FRAS1: variants seen among roughly 807,000 people sequenced by gnomAD.
FRAS1 encodes the protein extracellular matrix organizing protein FRAS1.
Under a neutral mutation model 435.2 loss-of-function variants are expected in FRAS1, and 290 were observed. That is an observed-to-expected ratio of 0.67 (90% CI 0.61 to 0.73). The LOEUF (loss-of-function observed/expected upper bound fraction) is 0.73, where lower values mean the gene tolerates loss of function less well. FRAS1 is among the 30% of genes least tolerant of loss of function. FRAS1 has a pLI of 0.00. For synonymous variants in FRAS1, 1,800 were observed against 1,851.0 expected (o/e 0.97, Z 0.71); for missense variants, 4,860 against 5,001.5 (o/e 0.97, Z 0.85).
At chr4:78,185,794 T>C (rs188186216) in intron 2 of FRAS1, among the ~76,000 whole-genome samples, 1 of 152,336 alleles carries the variant, frequency 6.6e-6, no homozygotes, top group East Asian at 1.9e-4. Context: ...GCTTTGACTC[T>C]TGTCTGTTTG....
At chr4:78,290,441 T>TTTTC (rs1200140683) in intron 14 of FRAS1, among the ~76,000 whole-genome samples, 41 of 149,586 alleles carry the variant, frequency 2.7e-4, no homozygotes, top group Middle Eastern at 3.4e-3. Context: ...TGGTTTCTTT[T>TTTTC]TTTCTTTCTT....
At chr4:78,489,172 C>G in intron 59 of FRAS1, 92 bp downstream of exon 59, 5 of 1,242,120 alleles carry the variant, frequency 4.0e-6, no homozygotes, top group African/African-American at 1.5e-5. Context: ...CAAAAATTCT[C>G]AGAATTTTGT....
rs1560613053 is a variant in FRAS1, at chr4:78,265,112, AGCTTTCAT to A, written c.687+8_687+15del. ...TGCAGCTGGCCAAGTATACGAGGTA[AGCTTTCAT>A]GCTCCCCATGTAGGTGTTTTGACAT... On this transcript the variant is annotated splice_donor_5th_base_variant and intron_variant, in intron 7 of 73. Coordinates refer to ENST00000512123, the MANE Select transcript of FRAS1 (RefSeq NM_025074.7). 5 of 1,605,590 alleles carry A rather than the reference AGCTTTCAT, an allele frequency of 3.1e-6. No individual in the cohort carries two copies. In the South Asian group the frequency reaches 3.3e-5, roughly 11 times the overall value.
intron 14 of FRAS1, among the ~76,000 whole-genome samples, chr4:78,301,435 T>C (rs1168389835): frequency 6.6e-6 from 1 of 150,490 alleles, no homozygotes; most frequent in East Asian, 1.9e-4. Flanking sequence ...AAGGAGCAAG[T>C]TATAGTAAGA....
At chr4:78,288,372 G>C (rs971241579) in intron 14 of FRAS1, among the ~76,000 whole-genome samples, 2 of 152,080 alleles carry the variant, frequency 1.3e-5, no homozygotes, top group Admixed American at 1.3e-4. Flanking sequence ...TCCTTCCTCT[G>C]TACCACCTCC....
chr4:78,473,404 TG>T (rs765245600), intron 52 of FRAS1, 33 bp from the exon 53 acceptor site: 7 of 1,590,156 alleles, frequency 4.4e-6, no homozygotes, highest in Non-Finnish European at 6.0e-6. Flanking sequence ...GTTACATCCC[TG>T]GGTTAATTCA....
chr4:78,217,506 T>G (rs1878441), intron 2 of FRAS1, among the ~76,000 whole-genome samples: 149,735 of 152,208 alleles, frequency 0.98, 73,696 homozygotes, highest in Middle Eastern at 1. Context: ...ACCAGAGGTG[T>G]CAGAGGAGCC....
intron 32 of FRAS1, among the ~76,000 whole-genome samples, chr4:78,417,268 A>G (rs1171994284): frequency 6.6e-6 from 1 of 152,194 alleles, no homozygotes; most frequent in Non-Finnish European, 1.5e-5. Flanking sequence ...TGCCATGTCC[A>G]CAATAATTCC....
At chr4:78,069,316 C>T (rs559063208) in intron 2 of FRAS1, among the ~76,000 whole-genome samples, 5 of 152,168 alleles carry the variant, frequency 3.3e-5, no homozygotes, top group Non-Finnish European at 7.4e-5. Context: ...CTCAGCTTCA[C>T]CCAGAGTTCA....
chr4:78,128,610 T>C (rs1233176181), intron 2 of FRAS1, among the ~76,000 whole-genome samples: 1 of 152,238 alleles, frequency 6.6e-6, no homozygotes, highest in Non-Finnish European at 1.5e-5. Context: ...TGTTTGTTTT[T>C]TTCTTGTAAA....
intron 33 of FRAS1, among the ~76,000 whole-genome samples, chr4:78,421,130 C>A (rs1733773871): frequency 6.6e-6 from 1 of 151,400 alleles, no homozygotes; most frequent in Non-Finnish European, 1.5e-5. Flanking sequence ...TGTTTTTACA[C>A]CTGCTTTAGT....
At chr4:78,079,564 T>G (rs1740804548) in intron 2 of FRAS1, among the ~76,000 whole-genome samples, 1 of 152,208 alleles carries the variant, frequency 6.6e-6, no homozygotes, top group South Asian at 2.1e-4. Context: ...AAAATTAGCT[T>G]GAGACTGAGG....
chr4:78,151,296 T>G (rs1213967274), intron 2 of FRAS1, among the ~76,000 whole-genome samples: 1 of 152,198 alleles, frequency 6.6e-6, no homozygotes, highest in Admixed American at 6.5e-5. Flanking sequence ...AAGCTCCCAT[T>G]TCCCCAAGTT....
intron 47 of FRAS1, among the ~76,000 whole-genome samples, chr4:78,459,182 C>T (rs749141277): frequency 2.0e-5 from 3 of 152,190 alleles, no homozygotes; most frequent in African/African-American, 7.2e-5. Flanking sequence ...CAATGAAATT[C>T]TATTTACAGG....
intron 20 of FRAS1, among the ~76,000 whole-genome samples, chr4:78,346,306 T>C (rs1269010065): frequency 6.6e-6 from 1 of 152,210 alleles, no homozygotes; most frequent in African/African-American, 2.4e-5. Context: ...TCATCACATA[T>C]ATTATGTCAT....
chr4:78,481,041 C>CTTT (rs1560751506), intron 56 of FRAS1, among the ~76,000 whole-genome samples: 2 of 152,204 alleles, frequency 1.3e-5, no homozygotes, highest in African/African-American at 4.8e-5. Flanking sequence ...AAAGCCAGAC[C>CTTT]TTTCTACTAT....
At chr4:78,429,046 C>CTATG in intron 35 of FRAS1, 49 bp from the exon 36 acceptor site, 1 of 1,393,098 alleles carries the variant, frequency 7.2e-7, no homozygotes, top group Non-Finnish European at 9.9e-7. Context: ...GTGCGTGTCT[C>CTATG]TGTGTGTGTG....
chr4:78,112,316 C>T (rs970556920), intron 2 of FRAS1, among the ~76,000 whole-genome samples: 5 of 152,124 alleles, frequency 3.3e-5, no homozygotes, highest in Non-Finnish European at 7.4e-5. Context: ...TTTTAAAAGA[C>T]TCACCAATCA....
At chr4:78,112,634 ACATGGCTACTTATTT>A (rs1742808871) in intron 2 of FRAS1, among the ~76,000 whole-genome samples, 1 of 152,126 alleles carries the variant, frequency 6.6e-6, no homozygotes. Flanking sequence ...CGGATTTTGT[ACATGGCTACTTATTT>A]CTTAGTTAGT....
Sources: allele counts gnomAD v4.1 joint callset (sites outside exome capture counted in the v4.1 genomes callset), GRCh38; gene constraint gnomAD v4.1.1; transcripts MANE v1.5; gene names NCBI Gene and HGNC (gene_info 2026-07-23, HGNC 2026-07-21).